The following KIAA1217 variants were observed in gnomAD, a reference collection of about 807,000 sequenced individuals.
KIAA1217 encodes sickle tail protein homolog.
KIAA1217 carries 88 observed loss-of-function variants against 163.9 expected under a neutral mutation model. The ratio of observed to expected loss-of-function variants is 0.54; its 90% CI spans 0.45 to 0.64. The LOEUF is 0.64. Among genes scored for constraint, KIAA1217 ranks in the 30% least tolerant of loss-of-function variants. KIAA1217 has a pLI of 0.00. For synonymous variants in KIAA1217, 903 were observed against 923.1 expected (o/e 0.98, Z 0.39); for missense variants, 2,372 against 2,475.0 (o/e 0.96, Z 0.88).
At chr10:23,790,416 T>TATATACATATACATATATAC (rs1436088531) in intron 1 of KIAA1217, among the ~76,000 whole-genome samples, 5 of 79,936 alleles carry the variant, frequency 6.3e-5, no homozygotes, top group South Asian at 4.6e-4. Flanking sequence ...TACATATACA[T>TATATACATATACATATATAC]ATATACATAT....
chr10:24,406,835 C>T (rs1301034304), intron 3 of KIAA1217, among the ~76,000 whole-genome samples: 1 of 152,162 alleles, frequency 6.6e-6, no homozygotes, highest in Non-Finnish European at 1.5e-5. Flanking sequence ...AACCCAAACA[C>T]AGCATTAAGC....
chr10:23,731,640 C>G (rs1290725128), intron 1 of KIAA1217, among the ~76,000 whole-genome samples: 1 of 152,138 alleles, frequency 6.6e-6, no homozygotes, highest in African/African-American at 2.4e-5. Flanking sequence ...CCCATCCCAT[C>G]ATTTTTGAGA....
intron 2 of KIAA1217, among the ~76,000 whole-genome samples, chr10:24,223,133 G>C (rs190040187): frequency 4.6e-5 from 7 of 152,200 alleles, no homozygotes; most frequent in Admixed American, 4.6e-4. Flanking sequence ...TCTGTATCTT[G>C]TGATGACCTC....
intron 2 of KIAA1217, among the ~76,000 whole-genome samples, chr10:24,304,128 C>A (rs220365): frequency 9.6e-6 from 1 of 103,720 alleles, no homozygotes; most frequent in Non-Finnish European, 1.9e-5. Context: ...GAATCCTCCA[C>A]ATTTTTTTTT....
At chr10:24,453,384 G>A (rs1222187375) in intron 5 of KIAA1217, among the ~76,000 whole-genome samples, 1 of 152,202 alleles carries the variant, frequency 6.6e-6, no homozygotes, top group Non-Finnish European at 1.5e-5. Context: ...AAGAGAACCA[G>A]AAATCCTGTA....
At chr10:23,761,156 C>G (rs1038873843) in intron 1 of KIAA1217, among the ~76,000 whole-genome samples, 5 of 152,112 alleles carry the variant, frequency 3.3e-5, no homozygotes, top group Non-Finnish European at 5.9e-5. Flanking sequence ...GTCCCAGTTA[C>G]TCAGGAGGCT....
intron 1 of KIAA1217, among the ~76,000 whole-genome samples, chr10:23,857,007 GCTGCACCCACTGTC>G (rs1399386417): frequency 6.6e-6 from 1 of 152,028 alleles, no homozygotes; most frequent in Non-Finnish European, 1.5e-5. Flanking sequence ...CACATGGTGC[GCTGCACCCACTGTC>G]CTGCACCCAC....
chr10:23,749,685 G>T (rs764996291), intron 1 of KIAA1217, among the ~76,000 whole-genome samples: 1 of 152,208 alleles, frequency 6.6e-6, no homozygotes, highest in Admixed American at 6.5e-5. Flanking sequence ...GATTATAGGC[G>T]TGAGCCACCT....
intron 1 of KIAA1217, among the ~76,000 whole-genome samples, chr10:23,990,500 C>T (rs371435037): frequency 6.6e-6 from 1 of 152,094 alleles, no homozygotes; most frequent in Non-Finnish European, 1.5e-5. Context: ...AGAATCCACA[C>T]CCTTCTCCTA....
intron 1 of KIAA1217, among the ~76,000 whole-genome samples, chr10:23,894,833 A>G (rs1157441801): frequency 2.0e-5 from 3 of 151,402 alleles, no homozygotes; most frequent in African/African-American, 4.9e-5. Context: ...CAGAAATAAC[A>G]CCACATATCT....
intron 2 of KIAA1217, among the ~76,000 whole-genome samples, chr10:24,075,164 A>ACC (rs1372524084): frequency 3.7e-5 from 5 of 134,792 alleles, no homozygotes; most frequent in Non-Finnish European, 7.9e-5. Context: ...ACACACACAC[A>ACC]CCCCTTCCTC....
At chr10:24,156,911 C>G (rs906724634) in intron 2 of KIAA1217, among the ~76,000 whole-genome samples, 3 of 152,208 alleles carry the variant, frequency 2.0e-5, no homozygotes, top group Admixed American at 6.5e-5. Context: ...TTCTAGGAAA[C>G]TGTGAGTAAA....
chr10:24,248,213 G>T lies in KIAA1217; in HGVS notation c.354+28304G>T, dbSNP rs532502946. Among the ~76,000 whole-genome samples the T allele has an allele frequency of 7.2e-5, 11 of 152,264 alleles. No homozygotes were observed. In the South Asian group the frequency reaches 1.9e-3, roughly 26 times the overall value. Reference sequence around the variant, plus strand: ...CCCTTGGCAAAAGGAATCCCAGATAGGACCTCATCTTTCTAAACAAATGCT... The same window carrying T: ...CCCTTGGCAAAAGGAATCCCAGATATGACCTCATCTTTCTAAACAAATGCT... On this transcript the variant is annotated intron_variant, in intron 2 of 20. Transcript: ENST00000376454.
intron 1 of KIAA1217, among the ~76,000 whole-genome samples, chr10:23,834,451 G>A (rs1437840112): frequency 6.6e-6 from 1 of 152,108 alleles, no homozygotes; most frequent in African/African-American, 2.4e-5. Context: ...AGTCCTGGAG[G>A]TTTAGCTGTA....
chr10:24,391,561 T>C (rs12262384), intron 3 of KIAA1217, among the ~76,000 whole-genome samples: 78,169 of 151,750 alleles, frequency 0.52, 22,654 homozygotes, highest in African/African-American at 0.79. Context: ...GCCAAGCTGG[T>C]CTCGAACTCC....
At chr10:24,223,412 G>A (rs1330151034) in intron 2 of KIAA1217, among the ~76,000 whole-genome samples, 1 of 151,974 alleles carries the variant, frequency 6.6e-6, no homozygotes, top group African/African-American at 2.4e-5. Flanking sequence ...CCTCTTTCCT[G>A]TCTTCCTCTC....
chr10:23,946,267 T>TA (rs35262067), intron 1 of KIAA1217, among the ~76,000 whole-genome samples: 4,041 of 115,696 alleles, frequency 0.035, 356 homozygotes, highest in African/African-American at 0.11. Flanking sequence ...CTCTTCCGTT[T>TA]AAAAAAAAAA....
intron 2 of KIAA1217, among the ~76,000 whole-genome samples, chr10:24,153,922 T>C (rs1220330255): frequency 6.6e-6 from 1 of 151,870 alleles, no homozygotes; most frequent in Non-Finnish European, 1.5e-5. Context: ...AAGACCAACC[T>C]GGGCAACAGA....
intron 1 of KIAA1217, among the ~76,000 whole-genome samples, chr10:24,209,495 T>C (rs2067799894): frequency 6.6e-6 from 1 of 152,202 alleles, no homozygotes; most frequent in South Asian, 2.1e-4. Context: ...GGTGGGGTGA[T>C]GTCACATTTG....
Sources: gnomAD v4.1 joint callset for allele counts (sites outside exome capture counted in the v4.1 genomes callset) on GRCh38, gnomAD v4.1.1 for gene constraint, MANE v1.5 for transcripts, NCBI Gene and HGNC (gene_info 2026-07-23, HGNC 2026-07-21) for gene names.